Variants in GALNT18 observed in about 807,000 individuals in gnomAD.
GALNT18 encodes polypeptide N-acetylgalactosaminyltransferase 18, also known as GalNAc-transferase 18.
A neutral mutation model predicts 69.5 loss-of-function variants in GALNT18; 44 were observed. The observed-to-expected ratio is 0.63, with a 90% CI of 0.50 to 0.81. The LOEUF (loss-of-function observed/expected upper bound fraction) is 0.81, where lower values mean the gene tolerates loss of function less well. Among genes scored for constraint, GALNT18 ranks in the 40% least tolerant of loss-of-function variants. The pLI is 0.00. For synonymous variants in GALNT18, 364 were observed against 318.2 expected (o/e 1.14, Z -1.53); for missense variants, 715 against 810.0 (o/e 0.88, Z 1.42).
intron 1 of GALNT18, among the ~76,000 whole-genome samples, chr11:11,492,147 T>C (rs1490489102): frequency 6.6e-6 from 1 of 152,218 alleles, no homozygotes; most frequent in Non-Finnish European, 1.5e-5. Context: ...AATTGTATCC[T>C]CGTGTTTAAG....
intron 3 of GALNT18, among the ~76,000 whole-genome samples, chr11:11,392,340 T>G (rs556863310): frequency 1.1e-4 from 17 of 151,844 alleles, no homozygotes; most frequent in Non-Finnish European, 2.4e-4. Flanking sequence ...TACCTTGGAG[T>G]TAAAAAGTCA....
chr11:11,597,812 C>G (rs1476210744), intron 1 of GALNT18, among the ~76,000 whole-genome samples: 1 of 151,988 alleles, frequency 6.6e-6, no homozygotes, highest in Admixed American at 6.6e-5. Context: ...AGGCGCCTGC[C>G]ACCACGCCCG....
chr11:11,280,123 G>C (rs991253056), intron 10 of GALNT18, among the ~76,000 whole-genome samples: 8 of 152,134 alleles, frequency 5.3e-5, no homozygotes, highest in African/African-American at 1.2e-4. Flanking sequence ...TCCTCCTGCT[G>C]TGCCCCACAC....
intron 6 of GALNT18, among the ~76,000 whole-genome samples, chr11:11,350,433 A>C (rs937957058): frequency 2.0e-5 from 3 of 152,292 alleles, no homozygotes; most frequent in Middle Eastern, 3.4e-3. Context: ...CTCAAATCTC[A>C]TATCAGCCAA....
intron 9 of GALNT18, among the ~76,000 whole-genome samples, chr11:11,294,527 A>C (rs11021762): frequency 0.32 from 47,924 of 151,512 alleles, 7,824 homozygotes; most frequent in Middle Eastern, 0.41. Flanking sequence ...CAGCCAGGCC[A>C]GCTCTGCAAA....
intron 6 of GALNT18, among the ~76,000 whole-genome samples, chr11:11,342,333 G>T (rs1365575004): frequency 6.6e-6 from 1 of 152,212 alleles, no homozygotes; most frequent in Admixed American, 6.5e-5. Context: ...CTGAGGGAAA[G>T]TAATCAAGAT....
chr11:11,281,590 G>T (rs967961254), intron 10 of GALNT18, among the ~76,000 whole-genome samples: 2 of 152,154 alleles, frequency 1.3e-5, no homozygotes, highest in Non-Finnish European at 2.9e-5. Context: ...AGACACCACA[G>T]CCCTTTCTTT....
intron 3 of GALNT18, among the ~76,000 whole-genome samples, chr11:11,394,135 C>T (rs1337574641): frequency 6.6e-6 from 1 of 152,186 alleles, no homozygotes; most frequent in Non-Finnish European, 1.5e-5. Flanking sequence ...TATGAAAATA[C>T]AGCGCAGGAT....
At chr11:11,412,128 TG>T (rs1396181687) in intron 3 of GALNT18, among the ~76,000 whole-genome samples, 1 of 152,140 alleles carries the variant, frequency 6.6e-6, no homozygotes, top group Admixed American at 6.5e-5. Context: ...TGGCTCCAGC[TG>T]GTATGTGGGG....
intron 1 of GALNT18, among the ~76,000 whole-genome samples, chr11:11,464,966 C>G (rs1339404637): frequency 6.6e-6 from 1 of 152,160 alleles, no homozygotes; most frequent in Non-Finnish European, 1.5e-5. Flanking sequence ...TGGTCAGGTG[C>G]TGGGCTGGGA....
intron 1 of GALNT18, among the ~76,000 whole-genome samples, chr11:11,490,234 AACACACACAC>A (rs61477736): frequency 6.5e-4 from 81 of 124,966 alleles, no homozygotes; most frequent in Non-Finnish European, 7.4e-4. Flanking sequence ...CTCTCTCTCT[AACACACACAC>A]ACACACACAC....
At chr11:11,325,376 G>C (rs1397888439) in intron 9 of GALNT18, among the ~76,000 whole-genome samples, 1 of 152,116 alleles carries the variant, frequency 6.6e-6, no homozygotes, top group Non-Finnish European at 1.5e-5. Context: ...TTGGGAGGAG[G>C]GGTGAGGAAT....
At chr11:11,370,500 C>T (rs117510305) in intron 6 of GALNT18, among the ~76,000 whole-genome samples, 2,525 of 152,080 alleles carry the variant, frequency 0.017, 44 homozygotes, top group Non-Finnish European at 0.023. Context: ...TGCAAGTTAA[C>T]AGCTTGTTGG....
chr11:11,448,681 A>G, intron 2 of GALNT18, 63 bp downstream of exon 2: 2 of 1,409,284 alleles, frequency 1.4e-6, no homozygotes, highest in Non-Finnish European at 2.0e-6. Flanking sequence ...TGTTCCCAGC[A>G]CTCTGGGGAC....
Position 11,307,053 on chromosome 11 carries a change from C to T in GALNT18, c.1513-13860G>A, listed in dbSNP as rs913692519. Among the ~76,000 whole-genome samples the T allele has an allele frequency of 3.3e-5, 5 of 152,320 alleles. 1 individual carries two copies. On this transcript the variant is annotated intron_variant, in intron 9 of 10. Transcript: ENST00000227756. ...TCACTCCAGCCGACTGTCAGCCAGT[C>T]TCCAGAAGCAGAGTCAACTAGCTGA...
At chr11:11,370,271 T>C (rs114462588) in intron 6 of GALNT18, among the ~76,000 whole-genome samples, 429 of 152,346 alleles carry the variant, frequency 2.8e-3, no homozygotes, top group African/African-American at 0.01. Context: ...TGATCTTTCA[T>C]GTTGATACAC....
intron 6 of GALNT18, among the ~76,000 whole-genome samples, chr11:11,361,383 T>C (rs953381945): frequency 1.3e-5 from 2 of 152,222 alleles, no homozygotes; most frequent in African/African-American, 2.4e-5. Context: ...TAAGTGGAGA[T>C]AGTAGTAGTA....
intron 9 of GALNT18, among the ~76,000 whole-genome samples, chr11:11,317,420 TAAC>T (rs1849775108): frequency 6.6e-6 from 1 of 152,270 alleles, no homozygotes; most frequent in African/African-American, 2.4e-5. Flanking sequence ...CGCTTTTTAA[TAAC>T]AGCCATTTTG....
rs867393430 is a variant in GALNT18 at position 11,436,020 on chromosome 11, G to T, written c.429-3233C>A. On this transcript the variant is annotated intron_variant, in intron 2 of 10. Coordinates refer to ENST00000227756, the MANE Select transcript of GALNT18 (RefSeq NM_198516.3). The surrounding 1 kb of genome is among the most constrained non-coding windows in gnomAD (Gnocchi z 4.5). ...GCTGTGGCCTCTCTCTCGGCATCAG[G>T]AGACACCTTTCCTCAGCCTTCAGTT... is the stretch of plus-strand genomic sequence containing the variant. 2.6e-5 allele frequency among the ~76,000 whole-genome samples: 4 copies of T among 152,370 alleles called. No individual in the cohort carries two copies. Among genetic ancestry groups the T allele is most frequent in the Middle Eastern group, 3.4e-3 (1 of 294 alleles).
Sources: gnomAD v4.1 joint callset for allele counts (sites outside exome capture counted in the v4.1 genomes callset) on GRCh38, gnomAD v4.1.1 for gene constraint, Gnocchi (gnomAD v3.1) non-coding constraint, MANE v1.5 for transcripts, NCBI Gene and HGNC (gene_info 2026-07-23, HGNC 2026-07-21) for gene names.